The following SKAP2 variants were observed in gnomAD, a reference collection of about 807,000 sequenced individuals.
The protein encoded by SKAP2 is src kinase-associated phosphoprotein 2.
SKAP2 carries 28 observed loss-of-function variants against 54.9 expected under a neutral mutation model. The observed-to-expected ratio is 0.51, with a 90% CI of 0.38 to 0.70. The LOEUF is 0.70. SKAP2 is among the 30% of genes least tolerant of loss of function. The probability of loss-of-function intolerance (pLI) is 0.00; values close to 1 mark genes in which losing one functional copy is unlikely to be tolerated. For missense variants in SKAP2, 356 were observed against 424.1 expected, an observed-to-expected ratio of 0.84 and a Z score of 1.41; for synonymous variants, 137 against 134.3, an observed-to-expected ratio of 1.02 and a Z score of -0.14.
At chr7:26,824,898 A>T (rs1179287190) in intron 4 of SKAP2, among the ~76,000 whole-genome samples, 1 of 152,158 alleles carries the variant, frequency 6.6e-6, no homozygotes, top group Non-Finnish European at 1.5e-5. Flanking sequence ...GTATTTTGGC[A>T]TTATGCTACA....
chr7:26,670,702 T>G (rs1786208833), intron 11 of SKAP2, among the ~76,000 whole-genome samples: 1 of 152,132 alleles, frequency 6.6e-6, no homozygotes, highest in Non-Finnish European at 1.5e-5. Flanking sequence ...TAAGAAAATC[T>G]AATATACACA....
intron 4 of SKAP2, among the ~76,000 whole-genome samples, chr7:26,824,453 T>C (rs774410882): frequency 6.6e-6 from 1 of 152,148 alleles, no homozygotes; most frequent in South Asian, 2.1e-4. Context: ...AAATCTGAAT[T>C]TTTCTGGGTT....
chr7:26,720,455 T>C (rs768589686), intron 9 of SKAP2, among the ~76,000 whole-genome samples: 7 of 152,146 alleles, frequency 4.6e-5, no homozygotes, highest in Non-Finnish European at 8.8e-5. Context: ...ATAATAAATA[T>C]TATATGTGTG....
chr7:26,819,488 G>A (rs553019889), intron 4 of SKAP2, among the ~76,000 whole-genome samples: 3 of 152,006 alleles, frequency 2.0e-5, no homozygotes, highest in African/African-American at 4.8e-5. Flanking sequence ...GTTGATGGGT[G>A]CAGGAAACCA....
chr7:26,825,188 A>G (rs1338032071), intron 4 of SKAP2, among the ~76,000 whole-genome samples: 1 of 152,228 alleles, frequency 6.6e-6, no homozygotes, highest in East Asian at 1.9e-4. Flanking sequence ...AGTAATCTCC[A>G]GCAAAAGCTA....
chr7:26,765,715 T>C (rs1280876931), intron 4 of SKAP2, among the ~76,000 whole-genome samples: 1 of 152,214 alleles, frequency 6.6e-6, no homozygotes, highest in Non-Finnish European at 1.5e-5. Context: ...ACACCATTTA[T>C]TAAATAGGGA....
intron 4 of SKAP2, among the ~76,000 whole-genome samples, chr7:26,748,616 T>C (rs1414773595): frequency 6.6e-6 from 1 of 152,148 alleles, no homozygotes; most frequent in Non-Finnish European, 1.5e-5. Flanking sequence ...CATTAAATTC[T>C]GAAAAATAAT....
chr7:26,859,268 GA>G (rs879314825), intron 1 of SKAP2, among the ~76,000 whole-genome samples: 2,111 of 123,350 alleles, frequency 0.017, 13 homozygotes, highest in Middle Eastern at 0.026. Flanking sequence ...CTACCATCAG[GA>G]AAAAAAAAAA....
intron 4 of SKAP2, among the ~76,000 whole-genome samples, chr7:26,813,399 A>T (rs1253114172): frequency 4.6e-5 from 7 of 152,192 alleles, no homozygotes; most frequent in Non-Finnish European, 5.9e-5. Flanking sequence ...GAAATTTTTT[A>T]AAGCCAACAA....
At chr7:26,711,236 A>T (rs1787295574) in intron 9 of SKAP2, among the ~76,000 whole-genome samples, 1 of 152,334 alleles carries the variant, frequency 6.6e-6, no homozygotes, top group East Asian at 1.9e-4. Context: ...ATATATAGTA[A>T]TACATACCAG....
chr7:26,833,854 G>A (rs1471512710), intron 4 of SKAP2, among the ~76,000 whole-genome samples: 4 of 152,132 alleles, frequency 2.6e-5, no homozygotes, highest in African/African-American at 9.7e-5. Context: ...AGACCTAACA[G>A]ACATCTACAG....
chr7:26,658,437 T>C, the SKAP2 span, among the ~76,000 whole-genome samples: 2 of 152,290 alleles, frequency 1.3e-5, no homozygotes, highest in Non-Finnish European at 2.9e-5. Context: ...AAATGGGCTG[T>C]TTTCTCAGAA....
chr7:26,816,090 A>G (rs1784259892), intron 4 of SKAP2, among the ~76,000 whole-genome samples: 1 of 152,092 alleles, frequency 6.6e-6, no homozygotes, highest in Admixed American at 6.6e-5. Flanking sequence ...TAAATAACTG[A>G]CTTAACACGT....
At chr7:26,739,156 T>A (rs187708322) in intron 5 of SKAP2, among the ~76,000 whole-genome samples, 1 of 152,210 alleles carries the variant, frequency 6.6e-6, no homozygotes, top group Admixed American at 6.5e-5. Flanking sequence ...AGTCTTGAGA[T>A]AATTGATCCA....
At chr7:26,664,810 G>T (rs1393364688), downstream of SKAP2, among the ~76,000 whole-genome samples, 1 of 151,484 alleles carries the variant, frequency 6.6e-6, no homozygotes, top group Non-Finnish European at 1.5e-5. Flanking sequence ...CTTAAGAGAT[G>T]GGCTTTGGGA....
intron 4 of SKAP2, among the ~76,000 whole-genome samples, chr7:26,841,156 T>C (rs547370561): frequency 3.5e-4 from 53 of 152,178 alleles, no homozygotes; most frequent in African/African-American, 1.3e-3. Flanking sequence ...AGAATCTCCA[T>C]CTGTTTCTCT....
chr7:26,756,725 T>C (rs1782802834), intron 4 of SKAP2, among the ~76,000 whole-genome samples: 2 of 152,332 alleles, frequency 1.3e-5, no homozygotes, highest in East Asian at 1.9e-4. Flanking sequence ...AAATGGTATT[T>C]CTAGTTCTAG....
chr7:26,714,267 T>A (rs930746011), intron 9 of SKAP2, among the ~76,000 whole-genome samples: 14 of 152,098 alleles, frequency 9.2e-5, no homozygotes, highest in African/African-American at 3.4e-4. Flanking sequence ...TCCAAAAAAC[T>A]CAGACCTTGC....
chr7:26,854,537 C>A (rs895305234), intron 2 of SKAP2, among the ~76,000 whole-genome samples: 4 of 151,898 alleles, frequency 2.6e-5, no homozygotes, highest in Non-Finnish European at 4.4e-5. Context: ...CTCAGATAAT[C>A]AAAATAAACA....
Sources: allele counts gnomAD v4.1 joint callset (sites outside exome capture counted in the v4.1 genomes callset), GRCh38; gene constraint gnomAD v4.1.1; transcripts MANE v1.5; gene names NCBI Gene and HGNC (gene_info 2026-07-23, HGNC 2026-07-21).